The following COLEC10 variants were observed in gnomAD, a reference collection of about 807,000 sequenced individuals.
COLEC10 encodes the protein collectin subfamily member 10.
COLEC10 carries 22 observed loss-of-function variants against 28.4 expected under a neutral mutation model. The ratio of observed to expected loss-of-function variants is 0.78; its 90% CI spans 0.55 to 1.11. COLEC10 has a LOEUF of 1.11. Ranked by LOEUF, COLEC10 falls within the 50% of genes least tolerant of loss-of-function variation. The pLI is 0.00. For missense variants in COLEC10, 361 were observed against 344.1 expected, an observed-to-expected ratio of 1.05 and a Z score of -0.39; for synonymous variants, 125 against 116.1, an observed-to-expected ratio of 1.08 and a Z score of -0.49.
At chr8:118,990,526 A>G (rs140405714), upstream of COLEC10, among the ~76,000 whole-genome samples, 29 of 152,302 alleles carry the variant, frequency 1.9e-4, no homozygotes, top group African/African-American at 6.7e-4. Flanking sequence ...ACACACAGTA[A>G]TACGTAAAAT....
chr8:119,091,595 G>GAGAGAGAGAGAGAGAA (rs1250359009), intron 3 of COLEC10, among the ~76,000 whole-genome samples: 4 of 138,484 alleles, frequency 2.9e-5, no homozygotes, highest in Admixed American at 1.4e-4. Flanking sequence ...GAGAGAGAGA[G>GAGAGAGAGAGAGAGAA]AGAAAGAAAG....
At chr8:119,076,067 A>C (rs1815226233) in intron 1 of COLEC10, among the ~76,000 whole-genome samples, 1 of 90,094 alleles carries the variant, frequency 1.1e-5, no homozygotes, top group Non-Finnish European at 2.1e-5. Context: ...CGCCCGGCTA[A>C]TTTTTTTTTT....
At chr8:119,049,331 G>T (rs1265148397) in intron 2 of COLEC10, among the ~76,000 whole-genome samples, 1 of 150,802 alleles carries the variant, frequency 6.6e-6, no homozygotes, top group East Asian at 1.9e-4. Context: ...ATTACCACTA[G>T]GGATTAGGTA....
chr8:118,956,062 T>G, the COLEC10 span, among the ~76,000 whole-genome samples: 1 of 152,174 alleles, frequency 6.6e-6, no homozygotes, highest in African/African-American at 2.4e-5. Context: ...ATGGTTGAGT[T>G]CTGATGAGGG....
intron 2 of COLEC10, among the ~76,000 whole-genome samples, chr8:119,029,713 C>T (rs1239830757): frequency 9.8e-6 from 1 of 102,132 alleles, no homozygotes. Flanking sequence ...TTTCAAGGAA[C>T]TTTTAATCTC....
the COLEC10 span, among the ~76,000 whole-genome samples, chr8:118,971,372 A>G: frequency 6.6e-6 from 1 of 151,952 alleles, no homozygotes; most frequent in Non-Finnish European, 1.5e-5. Context: ...TCCAGTAACC[A>G]TATCATCTTA....
chr8:118,959,121 G>A, the COLEC10 span, among the ~76,000 whole-genome samples: 1 of 152,180 alleles, frequency 6.6e-6, no homozygotes, highest in South Asian at 2.1e-4. Context: ...GTTAGATGTG[G>A]GGAGATGAAA....
chr8:119,095,315 G>A (rs984953673), intron 3 of COLEC10, among the ~76,000 whole-genome samples: 10 of 152,156 alleles, frequency 6.6e-5, no homozygotes, highest in South Asian at 2.1e-4. Flanking sequence ...GGTAATGAAG[G>A]TAAAACTATG....
At chr8:118,981,093 T>C in the COLEC10 span, among the ~76,000 whole-genome samples, 1 of 152,028 alleles carries the variant, frequency 6.6e-6, no homozygotes, top group Non-Finnish European at 1.5e-5. Flanking sequence ...AGTAAAAGTG[T>C]AAATCAGGTG....
intron 2 of COLEC10, among the ~76,000 whole-genome samples, chr8:119,053,133 C>T (rs1022358361): frequency 1.3e-5 from 2 of 152,068 alleles, no homozygotes; most frequent in Non-Finnish European, 2.9e-5. Context: ...TTATCCTCAA[C>T]ACTTCAGTGG....
intron 3 of COLEC10, among the ~76,000 whole-genome samples, chr8:119,091,648 C>G (rs1026359573): frequency 1.7e-4 from 26 of 148,760 alleles, no homozygotes; most frequent in Admixed American, 8.7e-4. Flanking sequence ...TTGAGGATAC[C>G]CTTAATCATT....
intron 2 of COLEC10, among the ~76,000 whole-genome samples, chr8:119,052,912 AAG>A (rs1814698536): frequency 6.6e-6 from 1 of 152,136 alleles, no homozygotes; most frequent in Non-Finnish European, 1.5e-5. Context: ...TTGGCAGCCA[AAG>A]AGAGCCGGAG....
chr8:119,042,249 C>T (rs1002679438), intron 2 of COLEC10, among the ~76,000 whole-genome samples: 1 of 152,034 alleles, frequency 6.6e-6, no homozygotes, highest in South Asian at 2.1e-4. Context: ...CTTCCCGTTT[C>T]GGCCTCCCAA....
intron 1 of COLEC10, among the ~76,000 whole-genome samples, chr8:119,073,401 G>A (rs1228639231): frequency 6.6e-6 from 1 of 152,184 alleles, no homozygotes; most frequent in Non-Finnish European, 1.5e-5. Context: ...CTTGATGCAA[G>A]TTAAGTTGCT....
At chr8:118,972,850 T>C in the COLEC10 span, among the ~76,000 whole-genome samples, 1 of 152,010 alleles carries the variant, frequency 6.6e-6, no homozygotes, top group Non-Finnish European at 1.5e-5. Context: ...TGACTCACAG[T>C]TCAGCATGGC....
intron 1 of COLEC10, among the ~76,000 whole-genome samples, chr8:119,008,474 C>A (rs1372721331): frequency 1.8e-5 from 2 of 108,594 alleles, no homozygotes; most frequent in East Asian, 5.4e-4. Context: ...TTTATTTTTA[C>A]TTTTTATTTT....
intron 1 of COLEC10, among the ~76,000 whole-genome samples, chr8:119,086,541 G>A (rs368227640): frequency 6.6e-6 from 1 of 152,138 alleles, no homozygotes; most frequent in South Asian, 2.1e-4. Flanking sequence ...TGGCCACCAG[G>A]CTGGGATGCA....
the COLEC10 span, among the ~76,000 whole-genome samples, chr8:118,968,460 A>G: frequency 6.6e-6 from 1 of 152,000 alleles, no homozygotes; most frequent in African/African-American, 2.4e-5. Context: ...TAAGTTTATA[A>G]TAGATTGTAA....
chr8:119,078,169 C>T (rs575868035), intron 1 of COLEC10, among the ~76,000 whole-genome samples: 50 of 152,310 alleles, frequency 3.3e-4, no homozygotes, highest in African/African-American at 1.2e-3. Context: ...TACATTTCAG[C>T]ATGAGATTTG....
Sources: allele counts gnomAD v4.1 joint callset (sites outside exome capture counted in the v4.1 genomes callset), GRCh38; gene constraint gnomAD v4.1.1; transcripts MANE v1.5; gene names NCBI Gene and HGNC (gene_info 2026-07-23, HGNC 2026-07-21).